The following POLR3B variants were observed in gnomAD, a reference collection of about 807,000 sequenced individuals.
The protein encoded by POLR3B is DNA-directed RNA polymerase III subunit RPC2.
In POLR3B, 96 loss-of-function variants were observed where a neutral mutation model predicts 147.4. The ratio of observed to expected loss-of-function variants is 0.65; its 90% CI spans 0.55 to 0.77. The LOEUF (loss-of-function observed/expected upper bound fraction) is 0.77, where lower values mean the gene tolerates loss of function less well. POLR3B is among the 30% of genes least tolerant of loss of function. POLR3B has a pLI of 0.00. For missense variants in POLR3B, 1,036 were observed against 1,413.5 expected, an observed-to-expected ratio of 0.73 and a Z score of 4.28; for synonymous variants, 461 against 485.9, an observed-to-expected ratio of 0.95 and a Z score of 0.67.
intron 18 of POLR3B, 96 bp from the exon 19 acceptor site, chr12:106,444,367 C>A: frequency 8.4e-7 from 1 of 1,194,074 alleles, no homozygotes. Context: ...ATATAAATCC[C>A]TGGAGGACCT....
At chr12:106,417,955 T>A (rs2037328522) in intron 12 of POLR3B, among the ~76,000 whole-genome samples, 2 of 152,196 alleles carry the variant, frequency 1.3e-5, no homozygotes, top group South Asian at 2.1e-4. Context: ...AACATAGCTT[T>A]ATAAACAATG....
intron 23 of POLR3B, among the ~76,000 whole-genome samples, chr12:106,489,026 A>G (rs2038377226): frequency 1.3e-5 from 2 of 152,186 alleles, no homozygotes; most frequent in South Asian, 2.1e-4. Flanking sequence ...AAAGCAATAT[A>G]TCACTTCCCT....
intron 23 of POLR3B, among the ~76,000 whole-genome samples, chr12:106,494,305 C>T (rs1385105530): frequency 3.9e-5 from 6 of 152,174 alleles, no homozygotes; most frequent in Non-Finnish European, 8.8e-5. Flanking sequence ...TCCTGCCCCT[C>T]TCTCCCACCT....
intron 25 of POLR3B, among the ~76,000 whole-genome samples, chr12:106,499,858 AG>A (rs1199952600): frequency 3.3e-5 from 5 of 152,232 alleles, no homozygotes; most frequent in Non-Finnish European, 7.3e-5. Flanking sequence ...TGACCACAAA[AG>A]CCTTGGCTCA....
chr12:106,433,798 T>C lies in POLR3B; in HGVS notation c.1707T>C (p.Asn569=), dbSNP rs17038450. 1.4e-4 allele frequency: 220 copies of C among 1,613,214 alleles called. 4 individuals carry two copies. The East Asian group carries it at 2.0e-3, about 14-fold the overall frequency. Residue 569 remains asparagine (N), a synonymous_variant, in exon 16 of 28, where the codon AAT becomes AAC. Coordinates refer to ENST00000228347, the MANE Select transcript of POLR3B (RefSeq NM_018082.6). The part of the protein sequence containing the change: ...FRLMRRAGYI[N]EFVSISTNLT... ...TCATGAGAAGAGCAGGATATATCAA[T>C]GAATTTGTTTCCATCTCAACAAATC...
chr12:106,442,768 T>C (rs143374352), intron 18 of POLR3B, among the ~76,000 whole-genome samples: 5 of 150,678 alleles, frequency 3.3e-5, no homozygotes, highest in Non-Finnish European at 7.4e-5. Context: ...AAGGTTACAC[T>C]TCACAAACAC....
intron 23 of POLR3B, among the ~76,000 whole-genome samples, chr12:106,482,995 C>T (rs1226091418): frequency 6.6e-6 from 1 of 152,120 alleles, no homozygotes; most frequent in Non-Finnish European, 1.5e-5. Context: ...AGACTCATAG[C>T]TCCCCAACCC....
At position 106,433,844 on chromosome 12, in the gene POLR3B, A is replaced by G; in HGVS notation, c.1753A>G (p.Ile585Val). ...STNLTDRCVY[I>V]SSDGGRLCRP... The stretch of plus-strand genomic sequence containing the variant: ...AAATCTTACAGATCGATGTGTCTAT[A>G]TTTCTTCTGATGGGGGAAGGCTATG... The change falls in exon 16 of 28, where the codon ATT (isoleucine) becomes GTT (valine). Residue 585 changes from isoleucine (I) to valine (V), a missense_variant. This residue lies in a region of POLR3B where 177 missense variants were observed against 232.7 expected (regional missense o/e 0.76). Coordinates refer to ENST00000228347, the MANE Select transcript of POLR3B (RefSeq NM_018082.6). 6.2e-7 allele frequency: 1 copy of G among 1,613,674 alleles called. No individual in the cohort carries two copies.
chr12:106,449,722 TGG>T (rs988209681), intron 19 of POLR3B, among the ~76,000 whole-genome samples: 3 of 152,228 alleles, frequency 2.0e-5, no homozygotes, highest in Admixed American at 6.5e-5. Flanking sequence ...AGGGAGAGAT[TGG>T]TCTTGCTGTC....
chr12:106,363,964 C>A, intron 2 of POLR3B, 62 bp downstream of exon 2: 2 of 1,239,946 alleles, frequency 1.6e-6, no homozygotes, highest in South Asian at 1.3e-5. Context: ...AAGAAATAAG[C>A]CATTTTTTAA....
intron 23 of POLR3B, among the ~76,000 whole-genome samples, chr12:106,487,468 T>G (rs2038355175): frequency 6.6e-6 from 1 of 152,222 alleles, no homozygotes; most frequent in Non-Finnish European, 1.5e-5. Flanking sequence ...TGCATATTAT[T>G]TTTCTCTCTC....
intron 17 of POLR3B, 45 bp from the exon 18 acceptor site, chr12:106,437,636 G>A (rs58398872): frequency 8.8e-7 from 1 of 1,137,286 alleles, no homozygotes; most frequent in South Asian, 1.3e-5. Flanking sequence ...AAATACTGCA[G>A]AAAAATGCTT....
intron 23 of POLR3B, among the ~76,000 whole-genome samples, chr12:106,475,359 A>G (rs2038151583): frequency 1.0e-5 from 1 of 96,904 alleles, no homozygotes; most frequent in Non-Finnish European, 2.0e-5. Context: ...TGGGGTGGAG[A>G]GTTTTGTAGA....
chr12:106,417,686 G>A (rs992902894), intron 12 of POLR3B, among the ~76,000 whole-genome samples: 1 of 152,160 alleles, frequency 6.6e-6, no homozygotes, highest in African/African-American at 2.4e-5. Context: ...AGGAAGCTCT[G>A]TTTGGTTAAT....
chr12:106,433,793 A>G lies in POLR3B; in HGVS notation c.1702A>G (p.Ile568Val), dbSNP rs35983209. 89 of 1,613,184 alleles carry G rather than the reference A, an allele frequency of 5.5e-5. No individual in the cohort carries two copies. The African/African-American group carries it at 1.1e-3, about 20-fold the overall frequency. Residue 568 changes from isoleucine (I) to valine (V), a missense_variant, in exon 16 of 28, where the codon ATC (isoleucine) becomes GTC (valine). Ile to Val is a conservative substitution (Grantham distance 29, BLOSUM62 3). This residue lies in a region of POLR3B where 177 missense variants were observed against 232.7 expected (regional missense o/e 0.76). Coordinates refer to ENST00000228347, the MANE Select transcript of POLR3B (RefSeq NM_018082.6). ...TFRLMRRAGY[I>V]NEFVSISTNL... The stretch of plus-strand genomic sequence containing the variant: ...TCGACTCATGAGAAGAGCAGGATAT[A>G]TCAATGAATTTGTTTCCATCTCAAC...
chr12:106,363,755 A>T (rs1330006795), intron 1 of POLR3B, 115 bp from the exon 2 acceptor site: 39 of 888,264 alleles, frequency 4.4e-5, no homozygotes, highest in Non-Finnish European at 6.1e-5. Context: ...ATGTTTAAAA[A>T]TTATTCTTTT....
chr12:106,475,625 C>T (rs2038156472), intron 23 of POLR3B, among the ~76,000 whole-genome samples: 1 of 137,312 alleles, frequency 7.3e-6, no homozygotes, highest in East Asian at 2.0e-4. Flanking sequence ...ATGTAATGGC[C>T]TTCTTTGTCT....
intron 23 of POLR3B, among the ~76,000 whole-genome samples, chr12:106,483,184 G>A (rs112510027): frequency 3.3e-5 from 5 of 152,078 alleles, no homozygotes; most frequent in Admixed American, 6.6e-5. Flanking sequence ...CTCACATTCC[G>A]CAAATGCTGT....
chr12:106,441,039 C>G (rs2037644649), intron 18 of POLR3B, among the ~76,000 whole-genome samples: 1 of 152,156 alleles, frequency 6.6e-6, no homozygotes, highest in African/African-American at 2.4e-5. Context: ...TCCCACCAGA[C>G]TCCACCCTCC....
Sources: gnomAD v4.1 joint callset for allele counts (sites outside exome capture counted in the v4.1 genomes callset) on GRCh38, gnomAD v4.1.1 for gene constraint, gnomAD v4.1.1 regional missense constraint, MANE v1.5 for transcripts, NCBI Gene and HGNC (gene_info 2026-07-23, HGNC 2026-07-21) for gene names.